MB21D2: variants seen among roughly 807,000 people sequenced by gnomAD.
MB21D2 encodes nucleotidyltransferase MB21D2.
In MB21D2, 9 loss-of-function variants were observed where a neutral mutation model predicts 33.3. That is an observed-to-expected ratio of 0.27 (90% confidence interval 0.16 to 0.47). The LOEUF is 0.47. MB21D2 is among the 20% of genes least tolerant of loss of function. The pLI is 0.99. For missense variants in MB21D2, 540 were observed against 624.6 expected, an observed-to-expected ratio of 0.86 and a Z score of 1.44; for synonymous variants, 241 against 236.3, an observed-to-expected ratio of 1.02 and a Z score of -0.18.
intron 1 of MB21D2, among the ~76,000 whole-genome samples, chr3:192,878,103 G>GTTTTTTTTTTT (rs1296544101): frequency 0.038 from 5,061 of 131,818 alleles, no homozygotes; most frequent in Non-Finnish European, 0.047. Flanking sequence ...TTTTTTTTTG[G>GTTTTTTTTTTT]TTTTTTTTGT....
chr3:192,813,145 C>A (rs79955897), intron 1 of MB21D2, among the ~76,000 whole-genome samples: 205 of 152,264 alleles, frequency 1.3e-3, no homozygotes, highest in African/African-American at 4.8e-3. Flanking sequence ...TGAGAAAATC[C>A]TCCTGATAAT....
At chr3:192,859,297 A>C (rs1414378525) in intron 1 of MB21D2, among the ~76,000 whole-genome samples, 1 of 152,146 alleles carries the variant, frequency 6.6e-6, no homozygotes, top group African/African-American at 2.4e-5. Flanking sequence ...ACACACACAG[A>C]TACATGCATA....
In MB21D2 at chr3:192,908,558, C is replaced by T. The variant is rs182377175; in HGVS notation, c.211+9072G>A. On this transcript the variant is annotated intron_variant, in intron 1 of 1. Coordinates refer to ENST00000392452, the MANE Select transcript of MB21D2 (RefSeq NM_178496.4). Reference sequence around the variant, plus strand: ...AGACTACAGCAGCTGGGATGACAGACGCCCACCACCACGCCCAGCTAATGT... The same window carrying T: ...AGACTACAGCAGCTGGGATGACAGATGCCCACCACCACGCCCAGCTAATGT... Among the ~76,000 whole-genome samples, 423 of 151,906 alleles carry T rather than the reference C, an allele frequency of 2.8e-3. 4 individuals are homozygous for T. The highest frequency in any genetic ancestry group is 9.8e-3 in the African/African-American group (406 of 41,474).
intron 1 of MB21D2, among the ~76,000 whole-genome samples, chr3:192,801,453 C>T (rs1432127786): frequency 3.9e-5 from 6 of 152,170 alleles, no homozygotes; most frequent in Non-Finnish European, 5.9e-5. Context: ...ATACTCTGAA[C>T]GTTCGTGACT....
At chr3:192,905,586 G>A (rs1021356275) in intron 1 of MB21D2, among the ~76,000 whole-genome samples, 7 of 145,340 alleles carry the variant, frequency 4.8e-5, no homozygotes, top group East Asian at 4.1e-4. Flanking sequence ...CAAGTGAGCC[G>A]AGATCAAGAC....
Position 192,877,484 on chromosome 3 carries a change from G to A in MB21D2, c.211+40146C>T, listed in dbSNP as rs192881191. On this transcript the variant is annotated intron_variant, in intron 1 of 1. Coordinates refer to ENST00000392452, the MANE Select transcript of MB21D2 (RefSeq NM_178496.4). ...TAACAATATCTGAATTTTTGTTCAT[G>A]CCAGTCCTCTACCCTGAGCTCTGCC... 2.7e-4 allele frequency among the ~76,000 whole-genome samples: 41 copies of A among 152,230 alleles called. 1 individual carries two copies. Among genetic ancestry groups the A allele is most frequent in the African/African-American group, 9.4e-4 (39 of 41,550 alleles).
chr3:192,905,562 G>A (rs371309091), intron 1 of MB21D2, among the ~76,000 whole-genome samples: 4 of 150,548 alleles, frequency 2.7e-5, no homozygotes, highest in Admixed American at 1.3e-4. Flanking sequence ...GCTTGAACCC[G>A]GGAGGCAGAG....
chr3:192,869,283 A>ATGGAGGGG (rs1553859817), intron 1 of MB21D2, among the ~76,000 whole-genome samples: 1 of 113,636 alleles, frequency 8.8e-6, no homozygotes, highest in Admixed American at 9.0e-5. Flanking sequence ...GGAAGGAAGG[A>ATGGAGGGG]AGGAGGGGAG....
At chr3:192,841,020 T>C (rs751592895) in intron 1 of MB21D2, among the ~76,000 whole-genome samples, 3 of 152,248 alleles carry the variant, frequency 2.0e-5, no homozygotes, top group Non-Finnish European at 4.4e-5. Flanking sequence ...TGAATTCACA[T>C]GTTCTGTCAC....
chr3:192,798,835 G>T lies in MB21D2; in HGVS notation c.1027C>A (p.Leu343Ile). The T allele has an allele frequency of 6.2e-7, 1 of 1,612,130 alleles. No individual in the cohort carries two copies. The change falls in exon 2 of 2, where the codon CTT becomes ATT. Residue 343 changes from leucine to isoleucine, a missense_variant. Physicochemically the swap from Leu to Ile is conservative, Grantham distance 5. Coordinates refer to ENST00000392452, the MANE Select transcript of MB21D2 (RefSeq NM_178496.4). This position sits in a 1 kb window ranked among gnomAD's most constrained non-coding sequence, Gnocchi z 4.8. Reference protein sequence around the residue: ...RSMMLWACDRLPANYLAQEDY... With the variant: ...RSMMLWACDRIPANYLAQEDY... Reference sequence around the variant, plus strand: ...TCTTGAGCCAAGTAGTTGGCAGGAAGTCTGTCGCAGGCCCAGAGCATCATG... The same window carrying T: ...TCTTGAGCCAAGTAGTTGGCAGGAATTCTGTCGCAGGCCCAGAGCATCATG...
chr3:192,890,893 G>C (rs143319673), intron 1 of MB21D2, among the ~76,000 whole-genome samples: 1 of 152,026 alleles, frequency 6.6e-6, no homozygotes, highest in African/African-American at 2.4e-5. Flanking sequence ...AGAAAGAATG[G>C]TGATTTTAAA....
intron 1 of MB21D2, among the ~76,000 whole-genome samples, chr3:192,859,819 T>C (rs1487085224): frequency 1.3e-5 from 2 of 152,140 alleles, no homozygotes; most frequent in East Asian, 1.9e-4. Context: ...AAACATCCCA[T>C]GTGGAGGAAA....
intron 1 of MB21D2, among the ~76,000 whole-genome samples, chr3:192,877,922 T>C (rs1713468326): frequency 6.6e-6 from 1 of 151,634 alleles, no homozygotes; most frequent in African/African-American, 2.4e-5. Context: ...GTTAAAGATT[T>C]GGGGTTCCCA....
At chr3:192,909,884 A>G (rs997076640) in intron 1 of MB21D2, among the ~76,000 whole-genome samples, 1 of 143,566 alleles carries the variant, frequency 7.0e-6, no homozygotes, top group Non-Finnish European at 1.5e-5. Context: ...GTGAGCCAAG[A>G]TTGAGATCGG....
At chr3:192,819,371 G>T (rs1394749038) in intron 1 of MB21D2, among the ~76,000 whole-genome samples, 1 of 152,192 alleles carries the variant, frequency 6.6e-6, no homozygotes, top group African/African-American at 2.4e-5. Flanking sequence ...CGGCAAGGGT[G>T]GTTTCCAAAC....
intron 1 of MB21D2, among the ~76,000 whole-genome samples, chr3:192,887,229 C>T (rs1713751597): frequency 6.6e-6 from 1 of 152,062 alleles, no homozygotes; most frequent in African/African-American, 2.4e-5. Context: ...TCACTGCAGC[C>T]TCAAACTGCT....
chr3:192,909,757 C>T (rs371216680), intron 1 of MB21D2, among the ~76,000 whole-genome samples: 1 of 150,972 alleles, frequency 6.6e-6, no homozygotes, highest in African/African-American at 2.4e-5. Flanking sequence ...ATGGCGAAAC[C>T]CCATCTCTAC....
At chr3:192,871,533 G>C (rs1182114889) in intron 1 of MB21D2, among the ~76,000 whole-genome samples, 1 of 152,206 alleles carries the variant, frequency 6.6e-6, no homozygotes, top group African/African-American at 2.4e-5. Context: ...ATAGACATTA[G>C]AGGTGCAGGT....
intron 1 of MB21D2, among the ~76,000 whole-genome samples, chr3:192,861,443 C>T (rs1713039424): frequency 6.6e-6 from 1 of 152,224 alleles, no homozygotes; most frequent in Admixed American, 6.5e-5. Context: ...TAGCTATCCC[C>T]AAATTACGTC....
Sources: gnomAD v4.1 joint callset for allele counts (sites outside exome capture counted in the v4.1 genomes callset) on GRCh38, gnomAD v4.1.1 for gene constraint, Gnocchi (gnomAD v3.1) non-coding constraint, MANE v1.5 for transcripts, NCBI Gene and HGNC (gene_info 2026-07-23, HGNC 2026-07-21) for gene names.